Variants in AUTS2 observed in about 807,000 individuals in gnomAD.
AUTS2 encodes the protein activator of transcription and developmental regulator AUTS2.
Under a neutral mutation model 112.4 loss-of-function variants are expected in AUTS2, and 17 were observed. That is an observed-to-expected ratio of 0.15 (90% CI 0.10 to 0.23). The LOEUF (loss-of-function observed/expected upper bound fraction) is 0.23, where lower values mean the gene tolerates loss of function less well. Ranked by LOEUF, AUTS2 falls within the 10% of genes least tolerant of loss-of-function variation. The pLI, the probability that AUTS2 is intolerant of heterozygous loss-of-function variation, is 1.00. For synonymous variants in AUTS2, 751 were observed against 702.7 expected (o/e 1.07, Z -1.09); for missense variants, 1,510 against 1,701.6 (o/e 0.89, Z 1.98).
chr7:70,231,173 C>T (rs1295754690), intron 4 of AUTS2, among the ~76,000 whole-genome samples: 1 of 152,220 alleles, frequency 6.6e-6, no homozygotes, highest in Non-Finnish European at 1.5e-5. Context: ...TTGCCAACCT[C>T]CTCACTCAGC....
chr7:70,777,839 A>C (rs1300732750), intron 14 of AUTS2, among the ~76,000 whole-genome samples: 1 of 152,264 alleles, frequency 6.6e-6, no homozygotes, highest in East Asian at 1.9e-4. Flanking sequence ...AATACTCTGC[A>C]TCTGGGAAGA....
chr7:70,364,162 G>C (rs997658982), intron 4 of AUTS2, among the ~76,000 whole-genome samples: 9 of 152,190 alleles, frequency 5.9e-5, no homozygotes, highest in Admixed American at 5.9e-4. Context: ...GGAAGGAAGG[G>C]AGACTGGCTT....
rs1438385619 is a variant in AUTS2 at position 70,784,271 on chromosome 7, G to T, written c.2147-671G>T. 3 of 152,072 alleles carry T rather than the reference G, an allele frequency of 2.0e-5. No homozygotes were observed. In the East Asian group the frequency reaches 5.8e-4, roughly 29 times the overall value. The allele number at this position is 152,072 out of a possible 1,614,324, so 9.4% of individuals were successfully genotyped here. A position where few individuals can be genotyped will look rare whatever the true frequency, so the allele number is the denominator to read the frequency against. ...GGTCTTATAGTATCCTTCGATGTGG[G>T]TGCATGCGAACTAACATACTCTTCA... is the stretch of plus-strand genomic sequence containing the variant. On this transcript the variant is annotated intron_variant, in intron 15 of 18. Transcript: ENST00000342771.
intron 4 of AUTS2, among the ~76,000 whole-genome samples, chr7:70,164,112 AAAAAT>A (rs546903062): frequency 3.0e-4 from 46 of 152,320 alleles, no homozygotes; most frequent in African/African-American, 9.4e-4. Context: ...TTTGACAGCA[AAAAAT>A]AAAATAAACT....
At chr7:70,789,036 C>G (rs935151503) in intron 18 of AUTS2, among the ~76,000 whole-genome samples, 3 of 152,210 alleles carry the variant, frequency 2.0e-5, no homozygotes, top group Admixed American at 2.0e-4. Flanking sequence ...CATGAGGTTT[C>G]GTGTTTAGGG....
At chr7:70,016,275 C>G (rs907072597) in intron 2 of AUTS2, among the ~76,000 whole-genome samples, 1 of 152,078 alleles carries the variant, frequency 6.6e-6, no homozygotes, top group East Asian at 1.9e-4. Flanking sequence ...TTTGACAGAC[C>G]GCAATATTCC....
chr7:70,665,993 G>A (rs578168762), intron 5 of AUTS2, among the ~76,000 whole-genome samples: 83 of 152,264 alleles, frequency 5.5e-4, no homozygotes, highest in African/African-American at 1.9e-3. Context: ...CTCCACTGGC[G>A]GCTGGGGGCC....
chr7:70,734,143 TAC>T (rs1308227909), intron 6 of AUTS2, among the ~76,000 whole-genome samples: 4 of 151,864 alleles, frequency 2.6e-5, no homozygotes, highest in Admixed American at 2.0e-4. Context: ...TTTGTCCAGA[TAC>T]CATGAAAACC....
intron 1 of AUTS2, among the ~76,000 whole-genome samples, chr7:69,633,361 A>T (rs889227942): frequency 6.6e-6 from 1 of 152,038 alleles, no homozygotes; most frequent in Non-Finnish European, 1.5e-5. Context: ...CTGTCGACAG[A>T]TGCTTAGGTT....
chr7:69,923,283 A>C (rs1795884316), intron 2 of AUTS2, among the ~76,000 whole-genome samples: 1 of 152,190 alleles, frequency 6.6e-6, no homozygotes, highest in South Asian at 2.1e-4. Flanking sequence ...GTAAACAATC[A>C]GTTGTCCATG....
intron 2 of AUTS2, among the ~76,000 whole-genome samples, chr7:69,992,161 G>T (rs954375710): frequency 1.3e-5 from 2 of 152,196 alleles, no homozygotes; most frequent in African/African-American, 4.8e-5. Context: ...ATGTGAGACG[G>T]AAAAGGAGCA....
At chr7:69,789,207 T>C (rs1789509163) in intron 1 of AUTS2, among the ~76,000 whole-genome samples, 1 of 152,128 alleles carries the variant, frequency 6.6e-6, no homozygotes, top group East Asian at 1.9e-4. Flanking sequence ...GTGTGGACAA[T>C]TTCCATTCAG....
chr7:69,820,943 A>G (rs1790962909), intron 1 of AUTS2, among the ~76,000 whole-genome samples: 1 of 152,152 alleles, frequency 6.6e-6, no homozygotes, highest in Non-Finnish European at 1.5e-5. Flanking sequence ...CTCTTTTATT[A>G]CCTCTGGCAA....
At chr7:70,559,984 G>C (rs774066812) in intron 5 of AUTS2, among the ~76,000 whole-genome samples, 3 of 152,202 alleles carry the variant, frequency 2.0e-5, no homozygotes, top group Non-Finnish European at 4.4e-5. Context: ...TTCCCCTGCT[G>C]TGAGCCTGCC....
At chr7:70,671,586 T>C (rs534757718) in intron 5 of AUTS2, among the ~76,000 whole-genome samples, 2 of 152,300 alleles carry the variant, frequency 1.3e-5, no homozygotes, top group South Asian at 4.1e-4. Flanking sequence ...AGACAACACA[T>C]TTCAAGGCTC....
At chr7:69,653,633 G>A (rs1795386985) in intron 1 of AUTS2, among the ~76,000 whole-genome samples, 1 of 151,436 alleles carries the variant, frequency 6.6e-6, no homozygotes. Context: ...ACATAATGGT[G>A]GTGGGTTTGG....
At chr7:69,644,830 G>A (rs1794952305) in intron 1 of AUTS2, among the ~76,000 whole-genome samples, 1 of 152,126 alleles carries the variant, frequency 6.6e-6, no homozygotes, top group South Asian at 2.1e-4. Flanking sequence ...AAAATCTCTT[G>A]AGTAAGAGAG....
chr7:70,320,534 A>G (rs944239797), intron 4 of AUTS2, among the ~76,000 whole-genome samples: 4 of 152,210 alleles, frequency 2.6e-5, no homozygotes, highest in Middle Eastern at 3.2e-3. Context: ...TATTTTATCC[A>G]TTTAGCAAAC....
At chr7:70,501,615 G>C (rs1208763020) in intron 5 of AUTS2, among the ~76,000 whole-genome samples, 1 of 152,080 alleles carries the variant, frequency 6.6e-6, no homozygotes, top group Non-Finnish European at 1.5e-5. Flanking sequence ...TCGTTGGGTA[G>C]GGGTGGTGGT....
Sources: gnomAD v4.1 joint callset for allele counts (sites outside exome capture counted in the v4.1 genomes callset) on GRCh38, gnomAD v4.1.1 for gene constraint, MANE v1.5 for transcripts, NCBI Gene and HGNC (gene_info 2026-07-23, HGNC 2026-07-21) for gene names.